FER1L6: variants seen among roughly 807,000 people sequenced by gnomAD.
FER1L6 encodes the protein fer-1 like family member 6.
FER1L6 carries 177 observed loss-of-function variants against 219.2 expected under a neutral mutation model. The ratio of observed to expected loss-of-function variants is 0.81; its 90% CI spans 0.71 to 0.91. FER1L6 has a LOEUF of 0.91. Among genes scored for constraint, FER1L6 ranks in the 40% least tolerant of loss-of-function variants. FER1L6 has a pLI of 0.00. For synonymous variants in FER1L6, 768 were observed against 824.3 expected, an observed-to-expected ratio of 0.93 and a Z score of 1.17; for missense variants, 2,153 against 2,259.9, an observed-to-expected ratio of 0.95 and a Z score of 0.96.
At chr8:124,079,259 A>AT (rs1221902108) in intron 32 of FER1L6, among the ~76,000 whole-genome samples, 1 of 152,200 alleles carries the variant, frequency 6.6e-6, no homozygotes, top group Admixed American at 6.5e-5. Context: ...ATATGGTCAG[A>AT]TTTTGAGGTG....
At chr8:124,110,199 G>GATC (rs1481498372) in intron 39 of FER1L6, among the ~76,000 whole-genome samples, 1 of 152,098 alleles carries the variant, frequency 6.6e-6, no homozygotes, top group Non-Finnish European at 1.5e-5. Context: ...TTATCTTGGT[G>GATC]ATCTTTGTTC....
chr8:124,066,562 C>G lies in FER1L6; in HGVS notation c.3678+12C>G. 6.2e-7 allele frequency: 1 copy of G among 1,611,690 alleles called. No individual in the cohort carries two copies. The highest frequency in any genetic ancestry group is 8.5e-7 in the Non-Finnish European group (1 of 1,179,160). On this transcript the variant is annotated intron_variant, in intron 27 of 40. Transcript: ENST00000522917. ...AGAAAGCCCAGAAGGTAGAGTCTCC[C>G]CTACCTGTGGCAGTTAAGAGATTCA...
intron 1 of FER1L6, among the ~76,000 whole-genome samples, chr8:123,918,707 C>CG (rs373003823): frequency 2.8e-4 from 36 of 130,042 alleles, no homozygotes; most frequent in African/African-American, 6.9e-4. Context: ...GTGGCAGGGG[C>CG]GGGGGGGTGG....
At chr8:124,011,939 C>A (rs1817953950) in intron 14 of FER1L6, among the ~76,000 whole-genome samples, 1 of 152,182 alleles carries the variant, frequency 6.6e-6, no homozygotes, top group Admixed American at 6.5e-5. Flanking sequence ...AATTGAATGT[C>A]TGAAAGTATT....
At chr8:123,924,456 C>T (rs572828225) in intron 1 of FER1L6, among the ~76,000 whole-genome samples, 84 of 150,926 alleles carry the variant, frequency 5.6e-4, no homozygotes, top group African/African-American at 1.7e-3. Context: ...GCAGGAGAAT[C>T]GCTTGAACCC....
At chr8:124,112,796 G>T (rs1032137723) in intron 39 of FER1L6, among the ~76,000 whole-genome samples, 4 of 152,100 alleles carry the variant, frequency 2.6e-5, no homozygotes, top group African/African-American at 9.7e-5. Context: ...TGGGGATGGT[G>T]GTAGATAGAT....
chr8:123,868,257 C>A (rs1338317109), intron 1 of FER1L6, among the ~76,000 whole-genome samples: 1 of 152,080 alleles, frequency 6.6e-6, no homozygotes, highest in Admixed American at 6.5e-5. Flanking sequence ...GGCTTGCTGC[C>A]TTATTAAAAT....
chr8:123,856,104 A>G (rs1253347722), intron 1 of FER1L6, among the ~76,000 whole-genome samples: 43 of 82,246 alleles, frequency 5.2e-4, no homozygotes, highest in African/African-American at 1.6e-3. Context: ...ATATGTATAT[A>G]CATATGTGTA....
At chr8:124,015,607 A>ATATATATGTATATATATATATATATATG (rs58755373) in intron 15 of FER1L6, among the ~76,000 whole-genome samples, 3 of 88,606 alleles carry the variant, frequency 3.4e-5, no homozygotes, top group Non-Finnish European at 6.7e-5. Flanking sequence ...ATATATATAT[A>ATATATATGTATATATATATATATATATG]TATATATATT....
intron 20 of FER1L6, among the ~76,000 whole-genome samples, chr8:124,044,870 C>G (rs1169489077): frequency 1.3e-5 from 2 of 152,174 alleles, no homozygotes; most frequent in Admixed American, 1.3e-4. Flanking sequence ...GAGGGCACCA[C>G]TTAAATGGCC....
At chr8:124,033,987 C>T (rs1249249472) in intron 18 of FER1L6, among the ~76,000 whole-genome samples, 1 of 152,078 alleles carries the variant, frequency 6.6e-6, no homozygotes, top group African/African-American at 2.4e-5. Flanking sequence ...AGCTGAGTTG[C>T]TCATAATCCA....
At chr8:123,855,776 A>ATGTG (rs1434309750) in intron 1 of FER1L6, among the ~76,000 whole-genome samples, 25 of 146,576 alleles carry the variant, frequency 1.7e-4, no homozygotes, top group Admixed American at 5.5e-4. Flanking sequence ...GTGTATATAT[A>ATGTG]TGTGTGTGTG....
rs1197367473 is a variant in FER1L6 at position 123,963,331 on chromosome 8, C to T, written c.130C>T (p.Pro44Ser). 1 of 1,614,130 alleles carries T rather than the reference C, an allele frequency of 6.2e-7. No homozygotes were observed. Among genetic ancestry groups the T allele is most frequent in the Admixed American group, 1.7e-5 (1 of 60,022 alleles). Reference protein sequence around the residue: ...LQEEPSHQEGPRGDLVHDDAS... With the variant: ...LQEEPSHQEGSRGDLVHDDAS... The stretch of plus-strand genomic sequence containing the variant: ...GGAGGAGCCTTCTCACCAGGAAGGA[C>T]CGAGAGGAGATTTGGTCCATGATGA... Residue 44 changes from proline (P) to serine (S), a missense_variant, in exon 3 of 41, where the codon CCG becomes TCG. Physicochemically the swap from Pro to Ser is moderately conservative, Grantham distance 74. Transcript: ENST00000522917.
At chr8:124,029,033 G>T (rs1011458736) in intron 18 of FER1L6, among the ~76,000 whole-genome samples, 2 of 152,156 alleles carry the variant, frequency 1.3e-5, no homozygotes, top group African/African-American at 4.8e-5. Context: ...TGCAGTGTTT[G>T]GTTTTCTGTT....
At chr8:123,892,375 C>G (rs1586444496) in intron 1 of FER1L6, among the ~76,000 whole-genome samples, 1 of 151,386 alleles carries the variant, frequency 6.6e-6, no homozygotes, top group African/African-American at 2.5e-5. Flanking sequence ...CACTGCAACT[C>G]CTGCCTCCTG....
chr8:123,984,096 A>G (rs1268789909), intron 11 of FER1L6: 3 of 152,204 alleles, frequency 2.0e-5, no homozygotes, highest in Admixed American at 2.0e-4. Context: ...GAATTAAGAC[A>G]TCAATTCTGC....
At position 123,952,245 on chromosome 8, in the gene FER1L6, A is replaced by G. The variant is rs192580343; in HGVS notation, c.-7-3747A>G. Among the ~76,000 whole-genome samples, 646 of 152,298 alleles carry G rather than the reference A, an allele frequency of 4.2e-3. 5 individuals are homozygous for G. The highest frequency in any genetic ancestry group is 0.015 in the African/African-American group (606 of 41,562). ...AGAAGTCCCAGGGCCAGCTCCAGTG[A>G]CACAGTTAGAAAGTGGCCTACATGA... On this transcript the variant is annotated intron_variant, in intron 1 of 40. Transcript: ENST00000522917.
intron 13 of FER1L6, among the ~76,000 whole-genome samples, chr8:124,005,555 C>G (rs773194245): frequency 1.6e-4 from 24 of 152,212 alleles, no homozygotes; most frequent in Non-Finnish European, 2.6e-4. Flanking sequence ...CTCACCTCCC[C>G]CAAGCACTGA....
intron 1 of FER1L6, among the ~76,000 whole-genome samples, chr8:123,933,096 G>T (rs1222913317): frequency 1.3e-5 from 2 of 152,172 alleles, no homozygotes; most frequent in African/African-American, 4.8e-5. Context: ...CTTTTTCTGA[G>T]GAAGAGGAGC....
Sources: allele counts gnomAD v4.1 joint callset (sites outside exome capture counted in the v4.1 genomes callset), GRCh38; gene constraint gnomAD v4.1.1; transcripts MANE v1.5; gene names NCBI Gene and HGNC (gene_info 2026-07-23, HGNC 2026-07-21).